TSPEAR: variants seen among roughly 807,000 people sequenced by gnomAD.
TSPEAR encodes the protein thrombospondin type laminin G domain and EAR repeats.
In TSPEAR, 69 loss-of-function variants were observed where a neutral mutation model predicts 71.6. That is an observed-to-expected ratio of 0.96 (90% CI 0.79 to 1.18). The LOEUF is 1.18. TSPEAR is among the 50% of genes most tolerant of loss of function. The probability of loss-of-function intolerance (pLI) is 0.00; values close to 1 mark genes in which losing one functional copy is unlikely to be tolerated. For missense variants in TSPEAR, 971 were observed against 894.9 expected, an observed-to-expected ratio of 1.09 and a Z score of -1.09; for synonymous variants, 402 against 387.2, an observed-to-expected ratio of 1.04 and a Z score of -0.45.
In TSPEAR at chr21:44,522,071, G is replaced by A. The variant is rs782623353; in HGVS notation, c.1378C>T (p.Pro460Ser). The A allele has an allele frequency of 6.2e-7, 1 of 1,614,100 alleles. No individual in the cohort carries two copies. Among genetic ancestry groups the A allele is most frequent in the African/African-American group, 1.3e-5 (1 of 75,034 alleles). Residue 460 changes from proline (P) to serine (S), a missense_variant, in exon 9 of 12, where the codon CCG (proline) becomes TCG (serine). By Grantham distance (74) the Pro-to-Ser change is moderately conservative. Transcript: ENST00000323084. The part of the protein sequence containing the change: ...NIDSVIYKWN[P>S]ATRLFEANQT... ...TTGGCCTCGAAGAGCCGGGTTGCCGGGTTCCACTTGTAGATGACACTGTCG... is the reference window on the plus strand; with the variant it reads ...TTGGCCTCGAAGAGCCGGGTTGCCGAGTTCCACTTGTAGATGACACTGTCG...
At chr21:44,531,203 AG>A (rs1312513136) in intron 3 of TSPEAR, 70 bp from the exon 4 acceptor site, 1 of 1,266,334 alleles carries the variant, frequency 7.9e-7, no homozygotes, top group Non-Finnish European at 1.1e-6. Context: ...CAGAAGGAAC[AG>A]GAACAAGCCC....
chr21:44,579,794 C>T, intron 1 of TSPEAR: 3 of 1,608,922 alleles, frequency 1.9e-6, no homozygotes, highest in Non-Finnish European at 2.5e-6. Flanking sequence ...CGCGGGGCGG[C>T]AGAGGAGGGA....
At chr21:44,530,175 A>G (rs1173359033) in intron 4 of TSPEAR, among the ~76,000 whole-genome samples, 3 of 149,496 alleles carry the variant, frequency 2.0e-5, no homozygotes, top group Non-Finnish European at 4.4e-5. Context: ...ACTGAACCAC[A>G]GAAGGGGTTT....
At chr21:44,698,174 C>T in intron 1 of TSPEAR, 2 of 607,846 alleles carry the variant, frequency 3.3e-6, no homozygotes, top group East Asian at 2.8e-5. Context: ...TTCCCACATT[C>T]CAGGCCCCTG....
intron 1 of TSPEAR, among the ~76,000 whole-genome samples, chr21:44,590,851 C>A (rs1227886014): frequency 6.6e-6 from 1 of 152,024 alleles, no homozygotes; most frequent in South Asian, 2.1e-4. Context: ...GGCCGGGGGG[C>A]CATGTGCTGG....
At chr21:44,676,091 A>G in intron 1 of TSPEAR, 2 of 871,662 alleles carry the variant, frequency 2.3e-6, no homozygotes, top group East Asian at 2.4e-5. Context: ...AAACGTGTTT[A>G]TATCTTCAGA....
chr21:44,568,878 T>C (rs1257757818), intron 1 of TSPEAR, among the ~76,000 whole-genome samples: 1 of 152,128 alleles, frequency 6.6e-6, no homozygotes, highest in African/African-American at 2.4e-5. Flanking sequence ...ATGAGGGTGT[T>C]GGGTCAGTCC....
intron 1 of TSPEAR, chr21:44,698,147 C>G: frequency 3.1e-6 from 2 of 649,026 alleles, no homozygotes; most frequent in South Asian, 2.0e-5. Context: ...CCCACTCCCC[C>G]GGCTCTTCCA....
chr21:44,645,045 A>T (rs782247506), intron 1 of TSPEAR, among the ~76,000 whole-genome samples: 1 of 152,232 alleles, frequency 6.6e-6, no homozygotes, highest in Non-Finnish European at 1.5e-5. Context: ...AGGAAAAGTA[A>T]TTTAAAACCA....
chr21:44,675,257 A>C (rs974113309), intron 1 of TSPEAR, among the ~76,000 whole-genome samples: 1 of 152,236 alleles, frequency 6.6e-6, no homozygotes, highest in Non-Finnish European at 1.5e-5. Context: ...ATACAGATGC[A>C]AGGGTGATTC....
chr21:44,610,147 G>C (rs1981564457), intron 1 of TSPEAR, among the ~76,000 whole-genome samples: 1 of 152,164 alleles, frequency 6.6e-6, no homozygotes, highest in Non-Finnish European at 1.5e-5. Context: ...CTATGCAATA[G>C]AAAAGAAAAA....
intron 1 of TSPEAR, among the ~76,000 whole-genome samples, chr21:44,584,141 C>A (rs184617633): frequency 6.6e-6 from 1 of 152,194 alleles, no homozygotes; most frequent in Non-Finnish European, 1.5e-5. Context: ...TCTGCTTTGC[C>A]GAGCTTGGCT....
intron 9 of TSPEAR, among the ~76,000 whole-genome samples, chr21:44,510,461 A>C (rs587769165): frequency 6.6e-6 from 1 of 152,164 alleles, no homozygotes; most frequent in African/African-American, 2.4e-5. Flanking sequence ...TCGACCAGCA[A>C]GGGCCCGGCT....
intron 1 of TSPEAR, chr21:44,575,250 C>A (rs71322577): frequency 7.0e-5 from 41 of 584,612 alleles, no homozygotes; most frequent in African/African-American, 6.2e-4. Flanking sequence ...TCTCCCACCT[C>A]TCATGAGGGT....
chr21:44,619,150 A>C (rs1263581345), intron 1 of TSPEAR, among the ~76,000 whole-genome samples: 1 of 152,100 alleles, frequency 6.6e-6, no homozygotes, highest in Non-Finnish European at 1.5e-5. Context: ...TCCCCAGCCG[A>C]GTGCTGAAGG....
intron 1 of TSPEAR, chr21:44,647,486 T>A: frequency 9.1e-7 from 1 of 1,097,314 alleles, no homozygotes; most frequent in Non-Finnish European, 1.3e-6. Context: ...TGAAGGGGAT[T>A]TTGAGCGCGT....
At chr21:44,500,182 C>T (rs782777926) in intron 11 of TSPEAR, among the ~76,000 whole-genome samples, 3 of 152,246 alleles carry the variant, frequency 2.0e-5, no homozygotes, top group Non-Finnish European at 4.4e-5. Context: ...CCAGCGCTAC[C>T]TCCTATCCAC....
At chr21:44,591,680 C>A (rs371170020) in intron 1 of TSPEAR, 13 of 1,577,876 alleles carry the variant, frequency 8.2e-6, no homozygotes, top group African/African-American at 1.4e-5. Flanking sequence ...ACACAGCAGG[C>A]GTGCTGGCAG....
At chr21:44,655,071 G>A (rs1985061415) in intron 1 of TSPEAR, among the ~76,000 whole-genome samples, 1 of 152,192 alleles carries the variant, frequency 6.6e-6, no homozygotes, top group East Asian at 1.9e-4. Context: ...GCTCTATATT[G>A]TGGAATAATA....
Sources: gnomAD v4.1 joint callset for allele counts (sites outside exome capture counted in the v4.1 genomes callset) on GRCh38, gnomAD v4.1.1 for gene constraint, MANE v1.5 for transcripts, NCBI Gene and HGNC (gene_info 2026-07-23, HGNC 2026-07-21) for gene names.